Variants in EAF1 observed in about 807,000 individuals in gnomAD.
The protein encoded by EAF1 is ELL-associated factor 1.
A neutral mutation model predicts 26.6 loss-of-function variants in EAF1; 19 were observed. The ratio of observed to expected loss-of-function variants is 0.71; its 90% CI spans 0.50 to 1.05. The LOEUF is 1.05. Among genes scored for constraint, EAF1 ranks in the 50% least tolerant of loss-of-function variants. The pLI, the probability that EAF1 is intolerant of heterozygous loss-of-function variation, is 0.00. For missense variants in EAF1, 260 were observed against 335.5 expected, an observed-to-expected ratio of 0.78 and a Z score of 1.76; for synonymous variants, 102 against 120.6, an observed-to-expected ratio of 0.85 and a Z score of 1.01.
intron 2 of EAF1, among the ~76,000 whole-genome samples, chr3:15,430,277 G>A (rs2061794723): frequency 6.6e-6 from 1 of 151,852 alleles, no homozygotes; most frequent in African/African-American, 2.4e-5. Flanking sequence ...TGGGCAACAT[G>A]GTGAAACCCC....
At chr3:15,428,120 A>T (rs1406685424) in intron 1 of EAF1, among the ~76,000 whole-genome samples, 1 of 151,962 alleles carries the variant, frequency 6.6e-6, no homozygotes, top group African/African-American at 2.4e-5. Context: ...CTCAAACACT[A>T]GTTCCAAAGG....
intron 4 of EAF1, 75 bp downstream of exon 4, chr3:15,434,613 T>C: frequency 6.6e-7 from 1 of 1,522,254 alleles, no homozygotes. Context: ...ATCACATGGC[T>C]GCTGTATTGA....
chr3:15,434,583 T>C (rs2061823681), intron 4 of EAF1, 45 bp downstream of exon 4: 1 of 1,601,822 alleles, frequency 6.2e-7, no homozygotes, highest in Non-Finnish European at 8.5e-7. Context: ...TGGAGTAGAG[T>C]GCTGAATTTT....
intron 1 of EAF1, among the ~76,000 whole-genome samples, chr3:15,428,163 G>A (rs376966088): frequency 1.4e-5 from 1 of 71,222 alleles, no homozygotes; most frequent in Non-Finnish European, 2.9e-5. Flanking sequence ...ATCCCTCCCC[G>A]CCCCCAACCT....
chr3:15,432,096 C>G lies in EAF1; in HGVS notation c.208C>G (p.Pro70Ala). The change falls in exon 3 of 6, where the codon CCA (proline) becomes GCA (alanine). Residue 70 changes from proline (P) to alanine (A), a missense_variant. Physicochemically the swap from Pro to Ala is conservative, Grantham distance 27. Coordinates refer to ENST00000396842, the MANE Select transcript of EAF1 (RefSeq NM_033083.7). The stretch of plus-strand genomic sequence containing the variant: ...CTTTTGTGGCAAATAGGGATCCACA[C>G]CACCCATGACTGTGTTCAAGGGGAA... ...ITLPHIPGSTPPMTVFKGNKR... is the reference protein window; with the variant it reads ...ITLPHIPGSTAPMTVFKGNKR... The G allele has an allele frequency of 6.2e-7, 1 of 1,613,184 alleles. No individual in the cohort carries two copies. Among genetic ancestry groups the G allele is most frequent in the Non-Finnish European group, 8.5e-7 (1 of 1,179,618 alleles).
At position 15,439,244 on chromosome 3, in the gene EAF1, T is replaced by G; in HGVS notation, c.*89T>G. On this transcript the variant is annotated 3_prime_UTR_variant, in exon 6 of 6. Coordinates refer to ENST00000396842, the MANE Select transcript of EAF1 (RefSeq NM_033083.7). Reference sequence around the variant, plus strand: ...CGTGGAGTCCATTGCAAGAGGAAAATGTTATGGATCAGTGACTGTAGTAGG... The same window carrying G: ...CGTGGAGTCCATTGCAAGAGGAAAAGGTTATGGATCAGTGACTGTAGTAGG... 6.8e-6 allele frequency: 9 copies of G among 1,323,252 alleles called. No homozygotes were observed. Among genetic ancestry groups the G allele is most frequent in the Non-Finnish European group, 9.6e-6 (9 of 933,114 alleles). The allele number at this position is 1,323,252 out of a possible 1,614,324, so 82.0% of individuals were successfully genotyped here. A position where few individuals can be genotyped will look rare whatever the true frequency, so the allele number is the denominator to read the frequency against.
intron 5 of EAF1, 84 bp from the exon 6 acceptor site, chr3:15,439,025 A>G (rs2061851325): frequency 1.5e-6 from 2 of 1,367,750 alleles, no homozygotes; most frequent in Admixed American, 2.1e-5. Flanking sequence ...CAAGGCAATT[A>G]ACAAAAAATT....
chr3:15,430,135 G>T, intron 2 of EAF1, 128 bp downstream of exon 2: 3 of 692,068 alleles, frequency 4.3e-6, no homozygotes, highest in South Asian at 2.0e-5. Flanking sequence ...AAGGAAAAAA[G>T]TAATTTTGGG....
chr3:15,429,659 G>T (rs1251532835), intron 1 of EAF1, among the ~76,000 whole-genome samples: 1 of 152,176 alleles, frequency 6.6e-6, no homozygotes, highest in Non-Finnish European at 1.5e-5. Flanking sequence ...GTATGTGGAG[G>T]TGTAGATGAA....
rs986142980 is a variant in EAF1, at chr3:15,440,024, G to A, written c.*869G>A. 2 of 152,236 alleles carry A rather than the reference G, an allele frequency of 1.3e-5. No individual in the cohort carries two copies. The highest frequency in any genetic ancestry group is 4.8e-5 in the African/African-American group (2 of 41,460). The allele number at this position is 152,236 out of a possible 1,614,324, so 9.4% of individuals were successfully genotyped here. On this transcript the variant is annotated 3_prime_UTR_variant, in exon 6 of 6. Coordinates refer to ENST00000396842, the MANE Select transcript of EAF1 (RefSeq NM_033083.7). ...CGGTAGCCACTGTGCTGATGCATGT[G>A]ACTCCATTCAGTTGGGGATTTTGGT...
In EAF1 at chr3:15,436,383, A is replaced by G; in HGVS notation, c.568A>G (p.Ser190Gly). 1.9e-6 allele frequency: 3 copies of G among 1,613,434 alleles called. No individual in the cohort carries two copies. The highest frequency in any genetic ancestry group is 2.5e-6 in the Non-Finnish European group (3 of 1,179,426). The stretch of plus-strand genomic sequence containing the variant: ...TGACATTATTGAACAAATGAGCAGC[A>G]GCAGTGGGAGCAGCTCTTCAGACTC... The part of the protein sequence containing the change: ...EVDIIEQMSS[S>G]SGSSSSDSES... Residue 190 changes from serine (S) to glycine (G), a missense_variant, in exon 5 of 6, where the codon AGC (serine) becomes GGC (glycine). Physicochemically the swap from Ser to Gly is moderately conservative, Grantham distance 56. Transcript: ENST00000396842.
At chr3:15,431,903 C>G (rs573091127) in intron 2 of EAF1, among the ~76,000 whole-genome samples, 184 bp from the exon 3 acceptor site, 1 of 152,152 alleles carries the variant, frequency 6.6e-6, no homozygotes, top group Non-Finnish European at 1.5e-5. Context: ...CAAATTCTTG[C>G]TATATTATTT....
chr3:15,433,883 T>C (rs937425301), intron 3 of EAF1, among the ~76,000 whole-genome samples: 2 of 152,204 alleles, frequency 1.3e-5, no homozygotes, highest in African/African-American at 2.4e-5. Context: ...ATGACTGATA[T>C]TCAATTATGG....
chr3:15,434,150 A>G (rs1261288675), intron 3 of EAF1, among the ~76,000 whole-genome samples, 198 bp from the exon 4 acceptor site: 2 of 152,246 alleles, frequency 1.3e-5, no homozygotes, highest in Non-Finnish European at 2.9e-5. Context: ...TCCCTGATAC[A>G]TAATATAGTA....
In EAF1 at chr3:15,440,430, G is replaced by A. The variant is rs182605304; in HGVS notation, c.*1275G>A. The A allele has an allele frequency of 4.7e-4, 71 of 152,272 alleles. No individual in the cohort carries two copies. The highest frequency in any genetic ancestry group is 1.6e-3 in the African/African-American group (68 of 41,550). 9.4% of individuals were successfully genotyped at this position (152,272 alleles called of 1,614,324 possible). A position where few individuals can be genotyped will look rare whatever the true frequency, so the allele number is the denominator to read the frequency against. On this transcript the variant is annotated 3_prime_UTR_variant, in exon 6 of 6. Transcript: ENST00000396842. ...TAAATCATCCTGTAATCAGTATGGAGTAACCTGTTTTTGTAGTTTGGATGA... is the reference window on the plus strand; with the variant it reads ...TAAATCATCCTGTAATCAGTATGGAATAACCTGTTTTTGTAGTTTGGATGA...
At position 15,427,774 on chromosome 3, in the gene EAF1, G is replaced by A. The variant is rs2061762074; in HGVS notation, c.-6G>A. 1 of 1,551,040 alleles carries A rather than the reference G, an allele frequency of 6.4e-7. No homozygotes were observed. Among genetic ancestry groups the A allele is most frequent in the South Asian group, 1.2e-5 (1 of 84,032 alleles). On this transcript the variant is annotated 5_prime_UTR_variant, in exon 1 of 6. Coordinates refer to ENST00000396842, the MANE Select transcript of EAF1 (RefSeq NM_033083.7). ...GCCGATCTGGGTGCGAGGCAGGTGCGGGGCCATGAATGGGACCGCAAACCC... is the reference window on the plus strand; with the variant it reads ...GCCGATCTGGGTGCGAGGCAGGTGCAGGGCCATGAATGGGACCGCAAACCC...
At position 15,432,236 on chromosome 3, in the gene EAF1, C is replaced by T. The variant is rs1321770599; in HGVS notation, c.335+13C>T. The T allele has an allele frequency of 3.1e-6, 5 of 1,613,476 alleles. No individual in the cohort carries two copies. The highest frequency in any genetic ancestry group is 4.2e-6 in the Non-Finnish European group (5 of 1,179,694). On this transcript the variant is annotated intron_variant, in intron 3 of 5. Coordinates refer to ENST00000396842, the MANE Select transcript of EAF1 (RefSeq NM_033083.7). Reference sequence around the variant, plus strand: ...TGAAGAAAACAAGGTATGTGAATAGCCAGATGCAGGTTTATATCATGTTTC... The same window carrying T: ...TGAAGAAAACAAGGTATGTGAATAGTCAGATGCAGGTTTATATCATGTTTC...
chr3:15,441,144 T>G lies in EAF1; in HGVS notation c.*1989T>G, dbSNP rs2061867009. The G allele has an allele frequency of 6.5e-6, 1 of 153,402 alleles. No individual in the cohort carries two copies. The highest frequency in any genetic ancestry group is 2.1e-4 in the South Asian group (1 of 4,836). 9.5% of individuals were successfully genotyped at this position (153,402 alleles called of 1,614,324 possible). A position where few individuals can be genotyped will look rare whatever the true frequency, so the allele number is the denominator to read the frequency against. ...CAAGCTTCCTGAGCTTCAGACCGTTTGTCCTGTCATCTGTCCTGCCCAACA... is the reference window on the plus strand; with the variant it reads ...CAAGCTTCCTGAGCTTCAGACCGTTGGTCCTGTCATCTGTCCTGCCCAACA... On this transcript the variant is annotated 3_prime_UTR_variant, in exon 6 of 6. Coordinates refer to ENST00000396842, the MANE Select transcript of EAF1 (RefSeq NM_033083.7).
intron 2 of EAF1, among the ~76,000 whole-genome samples, chr3:15,430,253 G>A (rs1325682786): frequency 6.6e-6 from 1 of 151,958 alleles, no homozygotes; most frequent in Non-Finnish European, 1.5e-5. Context: ...GAGTTCAGGA[G>A]TTAAAGACCA....
Sources: gnomAD v4.1 joint callset for allele counts (sites outside exome capture counted in the v4.1 genomes callset) on GRCh38, gnomAD v4.1.1 for gene constraint, MANE v1.5 for transcripts, NCBI Gene and HGNC (gene_info 2026-07-23, HGNC 2026-07-21) for gene names.